Variants in PLCXD1 observed in about 807,000 individuals in gnomAD.
The protein encoded by PLCXD1 is PI-PLC X domain-containing protein 1.
In PLCXD1, 45 loss-of-function variants were observed where a neutral mutation model predicts 37.8. That is an observed-to-expected ratio of 1.19 (90% CI 0.94 to 1.53). The LOEUF is 1.53. PLCXD1 is among the 40% of genes most tolerant of loss of function. The probability of loss-of-function intolerance (pLI) is 0.00; values close to 1 mark genes in which losing one functional copy is unlikely to be tolerated. For missense variants in PLCXD1, 539 were observed against 454.7 expected (o/e 1.19, Z -1.69); for synonymous variants, 246 against 206.9 (o/e 1.19, Z -1.62).
At chrX:285,585 A>G (rs2069427381) in intron 2 of PLCXD1, among the ~76,000 whole-genome samples, 1 of 152,062 alleles carries the variant, frequency 6.6e-6, no homozygotes, top group Non-Finnish European at 1.5e-5. Context: ...TCACATAGAC[A>G]TACATGAATG....
chrX:288,795 C>T lies in PLCXD1; in HGVS notation c.190C>T (p.Arg64Trp), dbSNP rs757062303. The change falls in exon 3 of 7, where the codon CGG becomes TGG. Residue 64 changes from arginine to tryptophan, a missense_variant. Physicochemically the swap from Arg to Trp is moderately radical, Grantham distance 101. Coordinates refer to ENST00000381657, the MANE Select transcript of PLCXD1 (RefSeq NM_018390.4). ...KKSPISHEES[R>W]LLQLLNKALP... ...GTCCCCCATTTCGCACGAGGAGTCCCGGCTGCTGCAGCTGCTGAACAAGGC... is the reference window on the plus strand; with the variant it reads ...GTCCCCCATTTCGCACGAGGAGTCCTGGCTGCTGCAGCTGCTGAACAAGGC... The T allele has an allele frequency of 9.4e-5, 152 of 1,613,590 alleles. No homozygotes were observed. In the East Asian group the frequency reaches 1.3e-3, roughly 14 times the overall value.
At chrX:278,510 G>A (rs1430296170), upstream of PLCXD1, among the ~76,000 whole-genome samples, 4 of 151,950 alleles carry the variant, frequency 2.6e-5, no homozygotes, top group East Asian at 1.9e-4. Context: ...AGGCCAAGGC[G>A]GGCAGATCAC....
chrX:290,871 ACAGC>A (rs2069611136), intron 4 of PLCXD1, 95 bp downstream of exon 4: 1 of 526,152 alleles, frequency 1.9e-6, no homozygotes, highest in Non-Finnish European at 3.0e-6. Context: ...AGCAAGGGGG[ACAGC>A]GGGAGGCGGC....
In PLCXD1 at chrX:300,462, ATGTGTGTG is replaced by A. The variant is rs774233905; in HGVS notation, c.*1137_*1144del. The A allele has an allele frequency of 1.4e-4, 20 of 142,708 alleles. No individual in the cohort carries two copies. Among genetic ancestry groups the A allele is most frequent in the African/African-American group, 4.4e-4 (17 of 38,386 alleles). The allele number at this position is 142,708 out of a possible 1,614,324, so 8.8% of individuals were successfully genotyped here. A position where few individuals can be genotyped will look rare whatever the true frequency, so the allele number is the denominator to read the frequency against. On this transcript the variant is annotated 3_prime_UTR_variant, in exon 7 of 7. Transcript: ENST00000381657. ...TGTATGTATGTTTATACATGTGTAT[ATGTGTGTG>A]TGTGTGTGTATATGTGTGTATGTGT...
rs760908701 is a variant in PLCXD1, at chrX:300,644, G to T, written c.*1309G>T. The T allele has an allele frequency of 2.0e-5, 3 of 151,976 alleles. No homozygotes were observed. Among genetic ancestry groups the T allele is most frequent in the African/African-American group, 4.8e-5 (2 of 41,336 alleles). 9.4% of individuals were successfully genotyped at this position (151,976 alleles called of 1,614,324 possible). On this transcript the variant is annotated 3_prime_UTR_variant, in exon 7 of 7. Coordinates refer to ENST00000381657, the MANE Select transcript of PLCXD1 (RefSeq NM_018390.4). ...CGTGTATGTATACATGTATATGTGT[G>T]TATGCGTGTATATACACACGTATAC...
rs758191535 is a variant in PLCXD1, at chrX:288,873, C to T, written c.264+4C>T. The T allele has an allele frequency of 6.8e-6, 11 of 1,611,982 alleles. No homozygotes were observed. The Admixed American group carries it at 1.0e-4, about 15-fold the overall frequency. On this transcript the variant is annotated splice_donor_region_variant and intron_variant, in intron 3 of 6. Transcript: ENST00000381657. ...GCTGAAATGGTCCGTCACCCAGGTACGGTCTGTGCCCCGTGCTGCTGACCT... is the reference window on the plus strand; with the variant it reads ...GCTGAAATGGTCCGTCACCCAGGTATGGTCTGTGCCCCGTGCTGCTGACCT...
rs2070015487 is a variant in PLCXD1, at chrX:301,512, T to C, written c.*2177T>C. The stretch of plus-strand genomic sequence containing the variant: ...CTGGTGTGTAGTAGGGGCACAGTCA[T>C]AGCTCACTGTAACCTTCAACGCCTG... On this transcript the variant is annotated 3_prime_UTR_variant, in exon 7 of 7. Transcript: ENST00000381657. 1 of 152,128 alleles carries C rather than the reference T, an allele frequency of 6.6e-6. No homozygotes were observed. The highest frequency in any genetic ancestry group is 2.4e-5 in the African/African-American group (1 of 41,404). The allele number at this position is 152,128 out of a possible 1,614,324, so 9.4% of individuals were successfully genotyped here.
chrX:277,093 G>A (rs893880401), upstream of PLCXD1, among the ~76,000 whole-genome samples: 21 of 152,182 alleles, frequency 1.4e-4, no homozygotes, highest in Non-Finnish European at 2.5e-4. Flanking sequence ...ACCCCACTCC[G>A]CTGTGCCGTC....
chrX:296,915 G>GATATTATT (rs2069831265), intron 6 of PLCXD1, among the ~76,000 whole-genome samples: 1 of 136,436 alleles, frequency 7.3e-6, no homozygotes. Flanking sequence ...CATCTTTGGG[G>GATATTATT]CCATTATTCT....
At position 290,735 on chromosome X, in the gene PLCXD1, C is replaced by T. The variant is rs761293675; in HGVS notation, c.352C>T (p.Leu118=). ...AHMLEGSEKN[L]HFVHMVYTTA... is the part of the protein sequence containing the mutation. ...CATGCTGGAGGGCTCGGAGAAGAAC[C>T]TGCACTTTGTCCATATGGTGTACAC... The change falls in exon 4 of 7, where the codon CTG becomes TTG. Residue 118 remains leucine, a synonymous_variant. Coordinates refer to ENST00000381657, the MANE Select transcript of PLCXD1 (RefSeq NM_018390.4). 4 of 1,613,610 alleles carry T rather than the reference C, an allele frequency of 2.5e-6. No homozygotes were observed. The Admixed American group carries it at 5.0e-5, about 20-fold the overall frequency.
chrX:296,601 C>T (rs1367290592), intron 6 of PLCXD1, among the ~76,000 whole-genome samples: 1 of 152,144 alleles, frequency 6.6e-6, no homozygotes, highest in Non-Finnish European at 1.5e-5. Context: ...TAGGTGGAGC[C>T]CCCAAATTTG....
At chrX:288,925 G>GC in intron 3 of PLCXD1, 56 bp downstream of exon 3, 2 of 1,560,862 alleles carry the variant, frequency 1.3e-6, no homozygotes, top group South Asian at 2.2e-5. Flanking sequence ...GGGGCCCACG[G>GC]CCCCGTGGTG....
intron 4 of PLCXD1, 44 bp from the exon 5 acceptor site, chrX:291,455 G>A: frequency 1.2e-6 from 2 of 1,607,050 alleles, no homozygotes; most frequent in Non-Finnish European, 1.7e-6. Context: ...CTTCCCTGTG[G>A]TGTTGGAGTC....
chrX:296,475 C>A (rs113379720), intron 6 of PLCXD1, among the ~76,000 whole-genome samples: 9,499 of 152,166 alleles, frequency 0.062, 303 homozygotes, highest in Middle Eastern at 0.11. Context: ...ACGTCTGTTG[C>A]CTTTGCCGTC....
At chrX:299,013 A>C in intron 6 of PLCXD1, 84 bp from the exon 7 acceptor site, 2 of 1,024,834 alleles carry the variant, frequency 2.0e-6, no homozygotes, top group Non-Finnish European at 3.1e-6. Context: ...CTGAGATGCG[A>C]ACCTCTAATA....
chrX:291,584 G>T lies in PLCXD1; in HGVS notation c.479G>T (p.Ser160Ile), dbSNP rs773327938. The T allele has an allele frequency of 6.2e-7, 1 of 1,613,134 alleles. No homozygotes were observed. The highest frequency in any genetic ancestry group is 2.2e-5 in the East Asian group (1 of 44,884). The change falls in exon 5 of 7, where the codon AGC becomes ATC. Residue 160 changes from serine (S) to isoleucine (I), a missense_variant. Ser to Ile is a moderately radical substitution (Grantham distance 142). Coordinates refer to ENST00000381657, the MANE Select transcript of PLCXD1 (RefSeq NM_018390.4). ...ILACRNFEGL[S>I]EDLHEYLVAC... ...GCCTGCAGAAACTTCGAGGGGCTGA[G>T]CGAGGACCTGCACGAGTACCTGGTC...
In PLCXD1 at chrX:299,158, G is replaced by A. The variant is rs746380805; in HGVS notation, c.795G>A (p.Pro265=). ...ACCTGCAGTACGTTCTGGCGCACCC[G>A]TCCGAGTCCCTGGAGAAGATGACGC... ...TENLQYVLAH[P]SESLEKMTLP... Residue 265 remains proline, a synonymous_variant, in exon 7 of 7, where the codon CCG becomes CCA. Coordinates refer to ENST00000381657, the MANE Select transcript of PLCXD1 (RefSeq NM_018390.4). The A allele has an allele frequency of 3.7e-6, 6 of 1,613,926 alleles. No homozygotes were observed. Among genetic ancestry groups the A allele is most frequent in the African/African-American group, 1.3e-5 (1 of 75,014 alleles).
chrX:286,960 G>A (rs925112185), intron 2 of PLCXD1, among the ~76,000 whole-genome samples: 9 of 151,830 alleles, frequency 5.9e-5, no homozygotes, highest in African/African-American at 1.9e-4. Flanking sequence ...ATGCCTCTCG[G>A]GGTCTGGGGA....
chrX:298,571 C>T (rs1279392376), intron 6 of PLCXD1, among the ~76,000 whole-genome samples: 1 of 38,174 alleles, frequency 2.6e-5, no homozygotes, highest in Admixed American at 1.9e-4. Context: ...AGGACGTGGA[C>T]ATCTTTGGGG....
Sources: allele counts gnomAD v4.1 joint callset (sites outside exome capture counted in the v4.1 genomes callset), GRCh38; gene constraint gnomAD v4.1.1; transcripts MANE v1.5; gene names NCBI Gene and HGNC (gene_info 2026-07-23, HGNC 2026-07-21).